PARP4: variants seen among roughly 807,000 people sequenced by gnomAD.
PARP4 encodes poly(ADP-ribose) polymerase family member 4.
PARP4 carries 120 observed loss-of-function variants against 187.7 expected under a neutral mutation model. The observed-to-expected ratio is 0.64, with a 90% CI of 0.55 to 0.74. The LOEUF is 0.74. Ranked by LOEUF, PARP4 falls within the 30% of genes least tolerant of loss-of-function variation. The pLI is 0.00. For synonymous variants in PARP4, 654 were observed against 740.9 expected, an observed-to-expected ratio of 0.88 and a Z score of 1.90; for missense variants, 1,836 against 2,070.5, an observed-to-expected ratio of 0.89 and a Z score of 2.20.
chr13:24,446,594 G>C (rs1326868336), intron 27 of PARP4, 87 bp downstream of exon 27: 6 of 905,716 alleles, frequency 6.6e-6, no homozygotes, highest in Non-Finnish European at 1.1e-5. Context: ...CCGTGGGTTG[G>C]ACAAGCTTGA....
At chr13:24,425,351 TAC>T (rs1378275512) in intron 33 of PARP4, among the ~76,000 whole-genome samples, 2 of 152,172 alleles carry the variant, frequency 1.3e-5, no homozygotes, top group Non-Finnish European at 2.9e-5. Flanking sequence ...GTAAAATATT[TAC>T]ACAGTTCCAA....
At chr13:24,424,355 C>G (rs1390227175) in intron 33 of PARP4, among the ~76,000 whole-genome samples, 3 of 152,064 alleles carry the variant, frequency 2.0e-5, no homozygotes, top group Non-Finnish European at 4.4e-5. Flanking sequence ...TTCTGCTCCT[C>G]AACCTTTTTT....
intron 17 of PARP4, among the ~76,000 whole-genome samples, chr13:24,463,097 G>A (rs184892462): frequency 1.7e-4 from 26 of 152,160 alleles, no homozygotes; most frequent in Admixed American, 9.8e-4. Flanking sequence ...TCAAACCACT[G>A]AAAACCAAAG....
Position 24,438,452 on chromosome 13 carries a change from C to T in PARP4, c.3667-2978G>A, listed in dbSNP as rs779265429. On this transcript the variant is annotated intron_variant, in intron 30 of 33. Coordinates refer to ENST00000381989, the MANE Select transcript of PARP4 (RefSeq NM_006437.4). ...TGGGGACCCCTGATTTAAGGAACAG[C>T]GTGGGCTCTGGACCCTCAGCTTCAG... 3.4e-4 allele frequency among the ~76,000 whole-genome samples: 51 copies of T among 152,182 alleles called. 1 individual carries two copies. Among genetic ancestry groups the T allele is most frequent in the Admixed American group, 3.2e-3 (49 of 15,280 alleles).
At chr13:24,474,147 A>AG (rs1439838634) in intron 15 of PARP4, among the ~76,000 whole-genome samples, 1 of 152,086 alleles carries the variant, frequency 6.6e-6, no homozygotes, top group African/African-American at 2.4e-5. Flanking sequence ...CTAGTTATTC[A>AG]GGGCAAACAC....
intron 1 of PARP4, among the ~76,000 whole-genome samples, chr13:24,507,057 G>T (rs1869740427): frequency 1.3e-5 from 2 of 152,222 alleles, no homozygotes; most frequent in African/African-American, 4.8e-5. Context: ...CGGACGCTAA[G>T]CCCCTCACTG....
At chr13:24,457,810 AAGAAAGGCACTGC>A (rs1399110112) in intron 20 of PARP4, among the ~76,000 whole-genome samples, 1 of 151,144 alleles carries the variant, frequency 6.6e-6, no homozygotes, top group Non-Finnish European at 1.5e-5. Context: ...AAAAGAAAAA[AAGAAAGGCACTGC>A]AGAAAGGCAC....
chr13:24,477,910 T>C, intron 13 of PARP4, 53 bp from the exon 14 acceptor site: 1 of 1,322,680 alleles, frequency 7.6e-7, no homozygotes, highest in Non-Finnish European at 1.0e-6. Context: ...ACAAAAAACC[T>C]GTATTGGCAG....
At chr13:24,504,738 C>T (rs556605612) in intron 1 of PARP4, among the ~76,000 whole-genome samples, 16 of 151,368 alleles carry the variant, frequency 1.1e-4, no homozygotes, top group African/African-American at 3.4e-4. Context: ...CTGTCACCCA[C>T]GCTGGAGTGC....
At chr13:24,471,751 T>C (rs1287679570) in intron 15 of PARP4, among the ~76,000 whole-genome samples, 1 of 152,128 alleles carries the variant, frequency 6.6e-6, no homozygotes, top group Non-Finnish European at 1.5e-5. Flanking sequence ...TATCAAATGG[T>C]ACAAGTCATC....
chr13:24,497,195 G>C (rs948013459), intron 6 of PARP4, among the ~76,000 whole-genome samples: 1 of 143,314 alleles, frequency 7.0e-6, no homozygotes, highest in Non-Finnish European at 1.6e-5. Flanking sequence ...TACTGACCTA[G>C]GGCAAAGGTA....
At chr13:24,472,913 T>TTTA (rs1872790187) in intron 15 of PARP4, among the ~76,000 whole-genome samples, 1 of 102,780 alleles carries the variant, frequency 9.7e-6, no homozygotes, top group South Asian at 3.6e-4. Flanking sequence ...TTTTTTTTTT[T>TTTA]GAGACAGGGT....
At chr13:24,500,096 C>T (rs9581087) in intron 4 of PARP4, among the ~76,000 whole-genome samples, 14,881 of 150,882 alleles carry the variant, frequency 0.099, 806 homozygotes, top group Non-Finnish European at 0.12. Flanking sequence ...AAAATCAATT[C>T]AATAATTGCA....
chr13:24,456,356 T>G lies in PARP4; in HGVS notation c.2547A>C (p.Pro849=). The change falls in exon 21 of 34, where the codon CCA becomes CCC. Residue 849 remains proline, a synonymous_variant. Coordinates refer to ENST00000381989, the MANE Select transcript of PARP4 (RefSeq NM_006437.4). Reference sequence around the variant, plus strand: ...AGGAGTATACCTCGCTTTCTTTTTCTGGATGTTTTTCAACCCACATTCTTG... The same window carrying G: ...AGGAGTATACCTCGCTTTCTTTTTCGGGATGTTTTTCAACCCACATTCTTG... ...YLPRMWVEKH[P]EKESEACMLV... 1 of 1,608,618 alleles carries G rather than the reference T, an allele frequency of 6.2e-7. No individual in the cohort carries two copies. The highest frequency in any genetic ancestry group is 2.2e-5 in the East Asian group (1 of 44,706).
chr13:24,434,372 T>G (rs758393956), intron 31 of PARP4, 23 bp downstream of exon 31: 3 of 1,516,148 alleles, frequency 2.0e-6, no homozygotes, highest in Non-Finnish European at 2.6e-6. Flanking sequence ...AACCACAGAT[T>G]TAAGGAGAAA....
chr13:24,466,796 C>CAAAAAAAAAAAAAAAAAAAAAAA (rs34197201), intron 17 of PARP4, among the ~76,000 whole-genome samples: 2 of 90,846 alleles, frequency 2.2e-5, no homozygotes, highest in Admixed American at 1.2e-4. Context: ...GACTCTGTCT[C>CAAAAAAAAAAAAAAAAAAAAAAA]AAAAAAAAAA....
chr13:24,465,372 A>T (rs868834704), intron 17 of PARP4, among the ~76,000 whole-genome samples: 1 of 152,212 alleles, frequency 6.6e-6, no homozygotes, highest in Admixed American at 6.5e-5. Flanking sequence ...ACAATAGCAA[A>T]GACATGGAAT....
rs556280290 is a variant in PARP4 at position 24,426,720 on chromosome 13, T to C, written c.4847-122A>G. On this transcript the variant is annotated intron_variant, in intron 32 of 33. Coordinates refer to ENST00000381989, the MANE Select transcript of PARP4 (RefSeq NM_006437.4). ...CTGGCTAACACAATGAAACTCCATCTCTGCTAAAAAAAAAAATACAAAAAA... is the reference window on the plus strand; with the variant it reads ...CTGGCTAACACAATGAAACTCCATCCCTGCTAAAAAAAAAAATACAAAAAA... 103 of 818,804 alleles carry C rather than the reference T, an allele frequency of 1.3e-4. No homozygotes were observed. In the East Asian group the frequency reaches 2.1e-3, roughly 16 times the overall value. The allele number at this position is 818,804 out of a possible 1,614,324, so 50.7% of individuals were successfully genotyped here. A position where few individuals can be genotyped will look rare whatever the true frequency, so the allele number is the denominator to read the frequency against.
rs142653074 is a variant in PARP4 at position 24,502,112 on chromosome 13, T to A, written c.133-278A>T. Among the ~76,000 whole-genome samples, 196 of 152,350 alleles carry A rather than the reference T, an allele frequency of 1.3e-3. 3 individuals are homozygous for A. The East Asian group carries it at 0.02, about 16-fold the overall frequency. ...ATTGTAAACAACGCTGTGATGACTATCCTCATGTACACATCCTTGTGCACT... is the reference window on the plus strand; with the variant it reads ...ATTGTAAACAACGCTGTGATGACTAACCTCATGTACACATCCTTGTGCACT... On this transcript the variant is annotated intron_variant, in intron 2 of 33. Coordinates refer to ENST00000381989, the MANE Select transcript of PARP4 (RefSeq NM_006437.4).
Sources: gnomAD v4.1 joint callset for allele counts (sites outside exome capture counted in the v4.1 genomes callset) on GRCh38, gnomAD v4.1.1 for gene constraint, MANE v1.5 for transcripts, NCBI Gene and HGNC (gene_info 2026-07-23, HGNC 2026-07-21) for gene names.